The following DDX51 variants were observed in gnomAD, a reference collection of about 807,000 sequenced individuals.
The protein encoded by DDX51 is ATP-dependent RNA helicase DDX51.
In DDX51, 67 loss-of-function variants were observed where a neutral mutation model predicts 74.6. The ratio of observed to expected loss-of-function variants is 0.90; its 90% CI spans 0.74 to 1.10. The LOEUF (loss-of-function observed/expected upper bound fraction) is 1.10, where lower values mean the gene tolerates loss of function less well. Among genes scored for constraint, DDX51 ranks in the 50% least tolerant of loss-of-function variants. The pLI is 0.00. For synonymous variants in DDX51, 545 were observed against 402.9 expected (o/e 1.35, Z -4.22); for missense variants, 1,056 against 905.2 (o/e 1.17, Z -2.14).
chr12:132,139,569 G>T (rs1250238605), intron 14 of DDX51, 66 bp downstream of exon 14: 1 of 1,612,144 alleles, frequency 6.2e-7, no homozygotes, highest in Non-Finnish European at 8.5e-7. Flanking sequence ...CTCCACGTGT[G>T]GTGACGACGC....
chr12:132,140,867 C>T lies in DDX51; in HGVS notation c.1404G>A (p.Gly468=), dbSNP rs777096852. 4.3e-6 allele frequency: 7 copies of T among 1,613,650 alleles called. No individual in the cohort carries two copies. Among genetic ancestry groups the T allele is most frequent in the East Asian group, 2.2e-5 (1 of 44,888 alleles). ...HRGLEDTDGD[G]DSGKYAFPVG... Reference sequence around the variant, plus strand: ...CAGGAAAGGCATACTTCCCCGAATCCCCGTCCCCATCTGTATCTTCCAGGC... The same window carrying T: ...CAGGAAAGGCATACTTCCCCGAATCTCCGTCCCCATCTGTATCTTCCAGGC... Residue 468 remains glycine (G), a synonymous_variant, in exon 9 of 15, where the codon GGG becomes GGA. Coordinates refer to ENST00000397333, the MANE Select transcript of DDX51 (RefSeq NM_175066.4).
Position 132,140,282 on chromosome 12 carries a change from G to T in DDX51, c.1674-83C>A. ...ACCGGCCCTGCGGGGGGCAGCTCAG[G>T]CCTTTCTGGGAACTGGCTGCCATGG... On this transcript the variant is annotated intron_variant, in intron 11 of 14. Transcript: ENST00000397333. The T allele has an allele frequency of 1.9e-6, 3 of 1,566,390 alleles. No homozygotes were observed. The South Asian group carries it at 3.5e-5, about 18-fold the overall frequency.
rs762733379 is a variant in DDX51 at position 132,139,036 on chromosome 12, C to T, written c.*236G>A. ...ACCGTTTTACTAAGGCTTCATTGCC[C>T]GCAGCCATCCTGACCTCCACACTCT... On this transcript the variant is annotated 3_prime_UTR_variant, in exon 15 of 15. Transcript: ENST00000397333. 11 of 555,310 alleles carry T rather than the reference C, an allele frequency of 2.0e-5. No homozygotes were observed. The highest frequency in any genetic ancestry group is 5.7e-5 in the East Asian group (2 of 34,962). 34.4% of individuals were successfully genotyped at this position (555,310 alleles called of 1,614,324 possible).
chr12:132,139,137 C>T lies in DDX51; in HGVS notation c.*135G>A, dbSNP rs149837244. On this transcript the variant is annotated 3_prime_UTR_variant, in exon 15 of 15. Coordinates refer to ENST00000397333, the MANE Select transcript of DDX51 (RefSeq NM_175066.4). ...ACGCCCGGGCTGCCTGGCGCAGAGA[C>T]CACGTGCTTGGGGAGGAAGGCTGTG... 752 of 1,363,382 alleles carry T rather than the reference C, an allele frequency of 5.5e-4. 4 individuals carry two copies. In the East Asian group the frequency reaches 0.016, roughly 29 times the overall value. The allele number at this position is 1,363,382 out of a possible 1,614,324, so 84.5% of individuals were successfully genotyped here.
chr12:132,139,519 C>T, intron 14 of DDX51, 116 bp downstream of exon 14: 5 of 1,592,392 alleles, frequency 3.1e-6, no homozygotes, highest in Non-Finnish European at 3.4e-6. Flanking sequence ...ACCTGTGTGA[C>T]CCTCTGTTGC....
rs1447556963 is a variant in DDX51 at position 132,144,077 on chromosome 12, G to A, written c.220C>T (p.Arg74Trp). 1 of 1,240,516 alleles carries A rather than the reference G, an allele frequency of 8.1e-7. No individual in the cohort carries two copies. The highest frequency in any genetic ancestry group is 1.0e-6 in the Non-Finnish European group (1 of 994,210). The allele number at this position is 1,240,516 out of a possible 1,614,324, so 76.8% of individuals were successfully genotyped here. ...TRRRRRPRRR[R>W]RVNDAEPGSP... ...CCCGGCTCCGCGTCGTTCACCCGCC[G>A]CCGCCGCCGGGGCCGCCGTCGCCTC... Residue 74 changes from arginine (R) to tryptophan (W), a missense_variant, in exon 1 of 15, where the codon CGG becomes TGG. Transcript: ENST00000397333.
intron 9 of DDX51, 42 bp downstream of exon 9, chr12:132,140,789 G>A: frequency 1.2e-6 from 2 of 1,613,172 alleles, no homozygotes; most frequent in Non-Finnish European, 8.5e-7. Flanking sequence ...AGGGGCCCCA[G>A]GTTCCCAGTG....
At chr12:132,140,371 T>C in intron 11 of DDX51, 52 bp downstream of exon 11, 1 of 1,603,918 alleles carries the variant, frequency 6.2e-7, no homozygotes, top group Non-Finnish European at 8.5e-7. Flanking sequence ...AGGCTGACCC[T>C]GGAGTGGGCA....
In DDX51 at chr12:132,144,054, C is replaced by T. The variant is rs750666258; in HGVS notation, c.243G>A (p.Pro81=). The change falls in exon 1 of 15, where the codon CCG becomes CCA. Residue 81 remains proline, a synonymous_variant. Transcript: ENST00000397333. ...RRRRRVNDAE[P]GSPEAPQGKR... ...TTCCCTGCGGCGCCTCCGGGCTCCC[C>T]GGCTCCGCGTCGTTCACCCGCCGCC... 2.7e-4 allele frequency: 362 copies of T among 1,316,774 alleles called. 1 individual carries two copies. Among genetic ancestry groups the T allele is most frequent in the Non-Finnish European group, 4.0e-5 (42 of 1,039,238 alleles). 81.6% of individuals were successfully genotyped at this position (1,316,774 alleles called of 1,614,324 possible).
rs547043659 is a variant in DDX51 at position 132,142,173 on chromosome 12, C to A, written c.834G>T (p.Val278=). Residue 278 remains valine, a synonymous_variant, in exon 5 of 15, where the codon GTG becomes GTT. Coordinates refer to ENST00000397333, the MANE Select transcript of DDX51 (RefSeq NM_175066.4). ...CAACCAGGGCACGGATGTGGCAGAC[C>A]ACTCTCGAAAGCAGGGCCTGAGGGG... The part of the protein sequence containing the change: ...IPVVQALLSR[V]VCHIRALVVL... 2.6e-6 allele frequency: 4 copies of A among 1,556,906 alleles called. No individual in the cohort carries two copies. The highest frequency in any genetic ancestry group is 3.5e-6 in the Non-Finnish European group (4 of 1,150,202).
At chr12:132,140,567 T>A in intron 10 of DDX51, 28 bp from the exon 11 acceptor site, 2 of 1,612,774 alleles carry the variant, frequency 1.2e-6, no homozygotes, top group Non-Finnish European at 1.7e-6. Flanking sequence ...TGCGGCCAAG[T>A]GATGCTGGGA....
rs1202453625 is a variant in DDX51, at chr12:132,139,661, G to A, written c.1948C>T (p.Leu650=). ...QPLVPRYEEA[L]SQLEESVKEE... ...TTGACAGACTCCTCCAGCTGGGACA[G>A]GGCCTCCTCGTACCGAGGAACCAGC... The change falls in exon 14 of 15, where the codon CTG becomes TTG. Residue 650 remains leucine, a synonymous_variant. Transcript: ENST00000397333. 6.2e-7 allele frequency: 1 copy of A among 1,613,110 alleles called. No homozygotes were observed. Among genetic ancestry groups the A allele is most frequent in the Non-Finnish European group, 8.5e-7 (1 of 1,179,992 alleles).
rs770573408 is a variant in DDX51 at position 132,143,770 on chromosome 12, C to T, written c.444G>A (p.Pro148=). Residue 148 remains proline (P), a synonymous_variant, in exon 2 of 15, where the codon CCG becomes CCA. Transcript: ENST00000397333. ...GGGGTCCGGCCGCCTCCTCCAGGGC[C>T]GGTCCATCTGGGGCCGCCTCGGCGC... The part of the protein sequence containing the change: ...SASAEAAPDG[P]ALEEAAGPLV... 2 of 1,523,236 alleles carry T rather than the reference C, an allele frequency of 1.3e-6. No individual in the cohort carries two copies. The highest frequency in any genetic ancestry group is 2.0e-5 in the Admixed American group (1 of 48,970). 94.4% of individuals were successfully genotyped at this position (1,523,236 alleles called of 1,614,324 possible). A position where few individuals can be genotyped will look rare whatever the true frequency, so the allele number is the denominator to read the frequency against.
Position 132,140,662 on chromosome 12 carries a change from G to C in DDX51, c.1514C>G (p.Ser505Trp), listed in dbSNP as rs764746864. 1 of 1,612,968 alleles carries C rather than the reference G, an allele frequency of 6.2e-7. No individual in the cohort carries two copies. The highest frequency in any genetic ancestry group is 1.6e-4 in the Middle Eastern group (1 of 6,062). The part of the protein sequence containing the change: ...VLHLVLEMGF[S>W]RVLCFTNSRE... ...GGAGTTAGTGAAGCAGAGAACCCTC[G>C]AGAAGCCCATCTCCAGGACCAGGTG... The change falls in exon 10 of 15, where the codon TCG becomes TGG. Residue 505 changes from serine to tryptophan, a missense_variant. By Grantham distance (177) the Ser-to-Trp change is radical (BLOSUM62 -3). Coordinates refer to ENST00000397333, the MANE Select transcript of DDX51 (RefSeq NM_175066.4).
chr12:132,139,815 T>G, intron 13 of DDX51, 46 bp from the exon 14 acceptor site: 2 of 1,612,828 alleles, frequency 1.2e-6, no homozygotes, highest in Non-Finnish European at 1.7e-6. Flanking sequence ...GCCAGCCCCT[T>G]AACACCCACC....
In DDX51 at chr12:132,142,825, A is replaced by G. The variant is rs759794195; in HGVS notation, c.573T>C (p.Asn191=). 3.1e-6 allele frequency: 5 copies of G among 1,612,888 alleles called. No individual in the cohort carries two copies. The highest frequency in any genetic ancestry group is 1.6e-4 in the Middle Eastern group (1 of 6,084). The change falls in exon 3 of 15, where the codon AAT becomes AAC. Residue 191 remains asparagine, a synonymous_variant. Coordinates refer to ENST00000397333, the MANE Select transcript of DDX51 (RefSeq NM_175066.4). ...CGATAGGAACCAGGTCTTCGGTGAC[A>G]TTCCTTCTGACACAGTTAGGCTCAG... The part of the protein sequence containing the change: ...WLAEPNCVRR[N]VTEDLVPIED...
At position 132,138,865 on chromosome 12, in the gene DDX51, G is replaced by A. The variant is rs906842434; in HGVS notation, c.*407C>T. 13 of 187,114 alleles carry A rather than the reference G, an allele frequency of 6.9e-5. No homozygotes were observed. Among genetic ancestry groups the A allele is most frequent in the Non-Finnish European group, 1.0e-4 (9 of 90,372 alleles). 11.6% of individuals were successfully genotyped at this position (187,114 alleles called of 1,614,324 possible). A position where few individuals can be genotyped will look rare whatever the true frequency, so the allele number is the denominator to read the frequency against. ...ACTCGTGACCTCAGGTGATCCACCCGCCTTGGCCTCCCAAAGTGCTGGAAT... is the reference window on the plus strand; with the variant it reads ...ACTCGTGACCTCAGGTGATCCACCCACCTTGGCCTCCCAAAGTGCTGGAAT... On this transcript the variant is annotated 3_prime_UTR_variant, in exon 15 of 15. Coordinates refer to ENST00000397333, the MANE Select transcript of DDX51 (RefSeq NM_175066.4).
chr12:132,142,530 C>T (rs772596422), intron 3 of DDX51, 108 bp from the exon 4 acceptor site: 775 of 1,504,022 alleles, frequency 5.2e-4, no homozygotes, highest in Non-Finnish European at 5.9e-4. Context: ...GGCCTGGGAA[C>T]CGCTCCCCAG....
Position 132,139,070 on chromosome 12 carries a change from C to G in DDX51, c.*202G>C, listed in dbSNP as rs1012620107. 5.9e-6 allele frequency: 4 copies of G among 679,420 alleles called. No individual in the cohort carries two copies. The African/African-American group carries it at 7.2e-5, about 12-fold the overall frequency. 42.1% of individuals were successfully genotyped at this position (679,420 alleles called of 1,614,324 possible). A position where few individuals can be genotyped will look rare whatever the true frequency, so the allele number is the denominator to read the frequency against. On this transcript the variant is annotated 3_prime_UTR_variant, in exon 15 of 15. Transcript: ENST00000397333. Reference sequence around the variant, plus strand: ...CCTGACCTCCACACTCTGAAAGTGACAAGCCCTGAAGTCTCCAGTCGGGGC... The same window carrying G: ...CCTGACCTCCACACTCTGAAAGTGAGAAGCCCTGAAGTCTCCAGTCGGGGC...
Sources: gnomAD v4.1 joint callset for allele counts on GRCh38, gnomAD v4.1.1 for gene constraint, MANE v1.5 for transcripts, NCBI Gene and HGNC (gene_info 2026-07-23, HGNC 2026-07-21) for gene names.